TMEM156: variants seen among roughly 807,000 people sequenced by gnomAD.
TMEM156 encodes transmembrane protein 156.
In TMEM156, 28 loss-of-function variants were observed where a neutral mutation model predicts 30.5. The observed-to-expected ratio is 0.92, with a 90% CI of 0.68 to 1.26. The LOEUF (loss-of-function observed/expected upper bound fraction) is 1.26. TMEM156 is among the 50% of genes most tolerant of loss of function. The pLI is 0.00. For synonymous variants in TMEM156, 137 were observed against 119.9 expected, an observed-to-expected ratio of 1.14 and a Z score of -0.93; for missense variants, 351 against 340.6, an observed-to-expected ratio of 1.03 and a Z score of -0.24.
chr4:38,999,034 C>G (rs1713139933), intron 1 of TMEM156, 125 bp from the exon 2 acceptor site: 1 of 550,678 alleles, frequency 1.8e-6, no homozygotes. Context: ...TTATCAGAGA[C>G]AAGACTGTTT....
intron 5 of TMEM156, among the ~76,000 whole-genome samples, chr4:38,979,578 G>T (rs1382102401): frequency 6.6e-6 from 1 of 152,214 alleles, no homozygotes; most frequent in Non-Finnish European, 1.5e-5. Flanking sequence ...TATATATTCA[G>T]CAGGGGAGGC....
At chr4:38,974,724 T>G (rs1339595416) in intron 5 of TMEM156, among the ~76,000 whole-genome samples, 1 of 150,984 alleles carries the variant, frequency 6.6e-6, no homozygotes, top group African/African-American at 2.4e-5. Flanking sequence ...CAGGCTAGAG[T>G]GCAATGGCAT....
intron 3 of TMEM156, among the ~76,000 whole-genome samples, chr4:38,990,402 A>T (rs1712336422): frequency 6.6e-6 from 1 of 152,224 alleles, no homozygotes; most frequent in Admixed American, 6.5e-5. Flanking sequence ...CACGCAGCAA[A>T]ATAAAAGCAT....
At chr4:38,973,058 T>A (rs1021002501) in intron 5 of TMEM156, among the ~76,000 whole-genome samples, 1 of 152,212 alleles carries the variant, frequency 6.6e-6, no homozygotes, top group Non-Finnish European at 1.5e-5. Flanking sequence ...ATTAAAATCA[T>A]TGATCCATTT....
intron 1 of TMEM156, among the ~76,000 whole-genome samples, chr4:39,024,551 T>C (rs1379909451): frequency 6.6e-6 from 1 of 152,200 alleles, no homozygotes; most frequent in Non-Finnish European, 1.5e-5. Flanking sequence ...TGGAGGCCAT[T>C]ATCCTTAGCA....
At chr4:39,003,212 A>G (rs996319150) in intron 1 of TMEM156, among the ~76,000 whole-genome samples, 16 of 152,266 alleles carry the variant, frequency 1.1e-4, no homozygotes, top group African/African-American at 3.8e-4. Context: ...TTTATTTAAT[A>G]AATTAAGAGC....
At chr4:39,005,172 G>C (rs73238505) in intron 1 of TMEM156, among the ~76,000 whole-genome samples, 41,888 of 152,106 alleles carry the variant, frequency 0.28, 6,308 homozygotes, top group East Asian at 0.45. Flanking sequence ...AAATGGAAAA[G>C]TGCATTGGCA....
intron 1 of TMEM156, among the ~76,000 whole-genome samples, chr4:39,005,561 AG>A (rs199893998): frequency 0.11 from 16,311 of 152,188 alleles, 1,048 homozygotes; most frequent in East Asian, 0.21. Flanking sequence ...GTATCTTTAT[AG>A]CAGTGTGAAA....
chr4:39,020,870 C>T (rs764491880), intron 1 of TMEM156, among the ~76,000 whole-genome samples: 1 of 152,050 alleles, frequency 6.6e-6, no homozygotes, highest in Non-Finnish European at 1.5e-5. Context: ...TTTTGAGGAG[C>T]CTTTATGCTG....
intron 5 of TMEM156, among the ~76,000 whole-genome samples, chr4:38,984,522 T>C (rs1711827813): frequency 1.3e-5 from 2 of 152,078 alleles, no homozygotes; most frequent in Non-Finnish European, 2.9e-5. Context: ...TTTCTACCCG[T>C]GTTACTGCAT....
At chr4:38,968,175 C>T (rs1018018219) in intron 6 of TMEM156, among the ~76,000 whole-genome samples, 3 of 152,194 alleles carry the variant, frequency 2.0e-5, no homozygotes, top group African/African-American at 7.2e-5. Flanking sequence ...TCTCCACTAA[C>T]CTCTGCTGCT....
At chr4:38,989,160 G>A (rs943775605) in intron 3 of TMEM156, among the ~76,000 whole-genome samples, 190 bp from the exon 4 acceptor site, 2 of 152,144 alleles carry the variant, frequency 1.3e-5, no homozygotes, top group Non-Finnish European at 1.5e-5. Context: ...GGTATTATAC[G>A]GGTAAACTTG....
At chr4:39,015,354 G>T (rs1334550034) in intron 1 of TMEM156, among the ~76,000 whole-genome samples, 1 of 152,198 alleles carries the variant, frequency 6.6e-6, no homozygotes, top group African/African-American at 2.4e-5. Flanking sequence ...TATCTGGGTG[G>T]ATCCAGTGTA....
intron 4 of TMEM156, 85 bp downstream of exon 4, chr4:38,988,766 C>T (rs1712193891): frequency 6.4e-7 from 1 of 1,552,068 alleles, no homozygotes; most frequent in East Asian, 2.3e-5. Flanking sequence ...AGTAGGTGCA[C>T]AAGAAATGCT....
chr4:38,990,936 C>T (rs1482506845), intron 3 of TMEM156, among the ~76,000 whole-genome samples: 2 of 143,616 alleles, frequency 1.4e-5, no homozygotes, highest in Non-Finnish European at 3.0e-5. Flanking sequence ...CGGGTTCAAG[C>T]GAGTCTCCTG....
intron 1 of TMEM156, among the ~76,000 whole-genome samples, chr4:39,002,761 A>T (rs1713458544): frequency 6.6e-6 from 1 of 150,840 alleles, no homozygotes; most frequent in African/African-American, 2.4e-5. Flanking sequence ...GGAAATCATC[A>T]TTCTCAGTAA....
At chr4:38,983,012 T>C (rs1390716507) in intron 5 of TMEM156, among the ~76,000 whole-genome samples, 1 of 152,166 alleles carries the variant, frequency 6.6e-6, no homozygotes. Context: ...CCTCCCCTCA[T>C]ACTCCTCCTT....
At chr4:38,990,842 T>TGTTTTG (rs1560365395) in intron 3 of TMEM156, among the ~76,000 whole-genome samples, 10 of 132,884 alleles carry the variant, frequency 7.5e-5, no homozygotes, top group African/African-American at 8.4e-5. Context: ...TTTTTTTTTT[T>TGTTTTG]TTTTTTTTTT....
In TMEM156 at chr4:39,015,500, T is replaced by C. The variant is rs548468056; in HGVS notation, c.89-16591A>G. Reference sequence around the variant, plus strand: ...AGGAATTCAGACAGCTTCCAGAAGCTGGAAACAGCCAGAAAATGGATTCTA... The same window carrying C: ...AGGAATTCAGACAGCTTCCAGAAGCCGGAAACAGCCAGAAAATGGATTCTA... On this transcript the variant is annotated intron_variant, in intron 1 of 6. Transcript: ENST00000381938. Among the ~76,000 whole-genome samples, 13 of 152,306 alleles carry C rather than the reference T, an allele frequency of 8.5e-5. No individual in the cohort carries two copies. In the East Asian group the frequency reaches 2.5e-3, roughly 29 times the overall value.
Sources: gnomAD v4.1 joint callset for allele counts (sites outside exome capture counted in the v4.1 genomes callset) on GRCh38, gnomAD v4.1.1 for gene constraint, MANE v1.5 for transcripts, NCBI Gene and HGNC (gene_info 2026-07-23, HGNC 2026-07-21) for gene names.